The following ENTPD7 variants were observed in gnomAD, a reference collection of about 807,000 sequenced individuals.
ENTPD7 encodes the protein NTPDase 7.
A neutral mutation model predicts 77.9 loss-of-function variants in ENTPD7; 53 were observed. That is an observed-to-expected ratio of 0.68 (90% CI 0.55 to 0.85). ENTPD7 has a LOEUF of 0.85. Ranked by LOEUF, ENTPD7 falls within the 40% of genes least tolerant of loss-of-function variation. The pLI is 0.00. For missense variants in ENTPD7, 636 were observed against 743.7 expected, an observed-to-expected ratio of 0.86 and a Z score of 1.68; for synonymous variants, 248 against 274.9, an observed-to-expected ratio of 0.90 and a Z score of 0.97.
intron 11 of ENTPD7, 72 bp downstream of exon 11, chr10:99,701,130 A>G (rs2036114360): frequency 8.0e-7 from 1 of 1,252,946 alleles, no homozygotes; most frequent in African/African-American, 1.5e-5. Context: ...GAGAGTGAGC[A>G]ATAATGCAGA....
intron 6 of ENTPD7, among the ~76,000 whole-genome samples, chr10:99,687,675 A>G (rs1004311066): frequency 2.0e-5 from 3 of 152,194 alleles, no homozygotes; most frequent in Non-Finnish European, 4.4e-5. Context: ...TTCAGCTCTC[A>G]GAGCTGTTTG....
At chr10:99,695,783 G>A (rs1477768500) in intron 8 of ENTPD7, among the ~76,000 whole-genome samples, 173 bp from the exon 9 acceptor site, 1 of 152,114 alleles carries the variant, frequency 6.6e-6, no homozygotes, top group Non-Finnish European at 1.5e-5. Flanking sequence ...ACCTTTTAGT[G>A]CAGTCTTGTC....
intron 3 of ENTPD7, among the ~76,000 whole-genome samples, chr10:99,665,182 G>A (rs1297007888): frequency 6.6e-6 from 1 of 151,952 alleles, no homozygotes; most frequent in African/African-American, 2.4e-5. Context: ...AGCCTGGGGA[G>A]GTAGAGAATG....
At chr10:99,660,482 GGTA>G in intron 2 of ENTPD7, 1 of 614,782 alleles carries the variant, frequency 1.6e-6, no homozygotes, top group Non-Finnish European at 2.7e-6. Context: ...CAGAACAGCA[GGTA>G]TGGTGGACTA....
At chr10:99,704,053 GAC>G (rs1411359549) in intron 12 of ENTPD7, among the ~76,000 whole-genome samples, 2 of 152,152 alleles carry the variant, frequency 1.3e-5, no homozygotes, top group Non-Finnish European at 1.5e-5. Flanking sequence ...AAAGGATTTA[GAC>G]ACACACACTC....
intron 10 of ENTPD7, 71 bp downstream of exon 10, chr10:99,698,929 G>C (rs936080505): frequency 4.9e-6 from 7 of 1,428,676 alleles, no homozygotes; most frequent in Non-Finnish European, 6.6e-6. Flanking sequence ...TCTGTGCCAG[G>C]TGCTGTGCAA....
At chr10:99,699,566 A>T (rs540648071) in intron 10 of ENTPD7, among the ~76,000 whole-genome samples, 95 of 152,052 alleles carry the variant, frequency 6.2e-4, no homozygotes, top group African/African-American at 2.2e-3. Context: ...ATCTGTCCTC[A>T]TATTTCTTTT....
At chr10:99,679,914 C>T (rs757727626) in intron 5 of ENTPD7, 39 bp downstream of exon 5, 2 of 1,584,680 alleles carry the variant, frequency 1.3e-6, no homozygotes, top group Non-Finnish European at 1.7e-6. Context: ...AAAACGGTGG[C>T]ACAAGAGATG....
rs558555397 is a variant in ENTPD7, at chr10:99,659,678, C to T, written c.-96+90C>T. On this transcript the variant is annotated intron_variant, in intron 1 of 12. Transcript: ENST00000370489. The surrounding 1 kb of genome is among the most constrained non-coding windows in gnomAD (Gnocchi z 4.1). ...CCCGCCACCTGGGGACGACCGGTTC[C>T]TAGAGGACAGAGCTGGCCCACGAGA... 186 of 364,176 alleles carry T rather than the reference C, an allele frequency of 5.1e-4. No individual in the cohort carries two copies. Among genetic ancestry groups the T allele is most frequent in the African/African-American group, 3.9e-3 (183 of 47,348 alleles). The allele number at this position is 364,176 out of a possible 1,614,324, so 22.6% of individuals were successfully genotyped here.
At chr10:99,666,256 G>A (rs7096764) in intron 3 of ENTPD7, among the ~76,000 whole-genome samples, 38,406 of 151,604 alleles carry the variant, frequency 0.25, 5,093 homozygotes, top group Non-Finnish European at 0.29. Context: ...CACCCAGGCC[G>A]GAGTGCAGTG....
chr10:99,683,912 A>C (rs544736923), intron 5 of ENTPD7, among the ~76,000 whole-genome samples: 1 of 152,306 alleles, frequency 6.6e-6, no homozygotes, highest in African/African-American at 2.4e-5. Flanking sequence ...ATAATGCTGC[A>C]GTATTTCTCT....
intron 3 of ENTPD7, among the ~76,000 whole-genome samples, chr10:99,662,882 G>A (rs2035503770): frequency 6.6e-6 from 1 of 152,226 alleles, no homozygotes; most frequent in Admixed American, 6.5e-5. Context: ...AATGCTGCAT[G>A]TGCCATATCC....
At chr10:99,667,491 A>G (rs2035564679) in intron 3 of ENTPD7, among the ~76,000 whole-genome samples, 2 of 152,270 alleles carry the variant, frequency 1.3e-5, no homozygotes, top group Admixed American at 6.5e-5. Context: ...AACTATGTAC[A>G]AGGTTAAGAA....
At chr10:99,696,665 G>A (rs1590055131) in intron 9 of ENTPD7, among the ~76,000 whole-genome samples, 2 of 152,316 alleles carry the variant, frequency 1.3e-5, no homozygotes, top group South Asian at 4.1e-4. Context: ...AGTACCAGAT[G>A]AAGTAGTTAG....
chr10:99,701,266 A>T (rs4919386), intron 11 of ENTPD7, among the ~76,000 whole-genome samples: 135,437 of 151,906 alleles, frequency 0.89, 60,486 homozygotes, highest in African/African-American at 0.93. Context: ...AGAGTTCTCA[A>T]CAAGTGATTT....
At position 99,688,750 on chromosome 10, in the gene ENTPD7, G is replaced by A. The variant is rs756817450; in HGVS notation, c.709G>A (p.Glu237Lys). Residue 237 changes from glutamate to lysine, a missense_variant and splice_region_variant, in exon 7 of 13, where the codon GAA becomes AAA. Around this residue, in one of 3 missense-constraint regions of ENTPD7, gnomAD observed 486 missense variants for 556.5 expected, o/e 0.87. Coordinates refer to ENST00000370489, the MANE Select transcript of ENTPD7 (RefSeq NM_020354.5). Reference sequence around the variant, plus strand: ...TTTGGGAAGATTCGACCACGAGGATGGTGAGTAATATTGTCTTTTTATGAC... The same window carrying A: ...TTTGGGAAGATTCGACCACGAGGATAGTGAGTAATATTGTCTTTTTATGAC... ...FVLGRFDHED[E>K]SDAEATQELA... 4 of 1,613,792 alleles carry A rather than the reference G, an allele frequency of 2.5e-6. No individual in the cohort carries two copies. Among genetic ancestry groups the A allele is most frequent in the Non-Finnish European group, 3.4e-6 (4 of 1,179,800 alleles).
chr10:99,686,844 A>G (rs2035817290), intron 6 of ENTPD7, among the ~76,000 whole-genome samples: 2 of 151,376 alleles, frequency 1.3e-5, no homozygotes, highest in African/African-American at 4.9e-5. Context: ...TTTAAATCAA[A>G]GAGAACTTTT....
At position 99,708,590 on chromosome 10, in the gene ENTPD7, T is replaced by G. The variant is rs192441686; in HGVS notation, c.*3907T>G. On this transcript the variant is annotated 3_prime_UTR_variant, in exon 13 of 13. Coordinates refer to ENST00000370489, the MANE Select transcript of ENTPD7 (RefSeq NM_020354.5). ...ACAAGGTAGAAAAATCATATGATTT[T>G]GGGAAGAGCATTTTGTCCTTTGGTT... Among the ~76,000 whole-genome samples, 517 of 152,346 alleles carry G rather than the reference T, an allele frequency of 3.4e-3. 4 individuals carry two copies. The highest frequency in any genetic ancestry group is 0.012 in the African/African-American group (488 of 41,582).
intron 3 of ENTPD7, among the ~76,000 whole-genome samples, chr10:99,667,929 C>CT (rs61543336): frequency 0.53 from 45,519 of 85,582 alleles, 15,239 homozygotes; most frequent in Middle Eastern, 0.73. Context: ...AAATGATAAT[C>CT]TTTTTTTTTT....
Sources: gnomAD v4.1 joint callset for allele counts (sites outside exome capture counted in the v4.1 genomes callset) on GRCh38, gnomAD v4.1.1 for gene constraint, gnomAD v4.1.1 regional missense constraint, Gnocchi (gnomAD v3.1) non-coding constraint, MANE v1.5 for transcripts, NCBI Gene and HGNC (gene_info 2026-07-23, HGNC 2026-07-21) for gene names.